ARSD: variants seen among roughly 807,000 people sequenced by gnomAD.
ARSD encodes the protein arylsulfatase D, also known as testis tissue sperm-binding protein Li 39a.
A neutral mutation model predicts 32.6 loss-of-function variants in ARSD; 21 were observed. That is an observed-to-expected ratio of 0.64 (90% CI 0.46 to 0.93). The LOEUF is 0.93. Among genes scored for constraint, ARSD ranks in the 40% least tolerant of loss-of-function variants. ARSD has a pLI of 0.00. For missense variants in ARSD, 454 were observed against 520.9 expected, an observed-to-expected ratio of 0.87 and a Z score of 1.25; for synonymous variants, 224 against 237.4, an observed-to-expected ratio of 0.94 and a Z score of 0.52.
chrX:2,927,119 G>A (rs753731797), intron 1 of ARSD, among the ~76,000 whole-genome samples: 5 of 111,108 alleles, frequency 4.5e-5, no homozygotes, highest in Admixed American at 3.8e-4. Flanking sequence ...GGCGTGTCTT[G>A]GAGGGTGGCG....
At chrX:2,908,534 T>TCTCTC (rs769406667) in intron 9 of ARSD, among the ~76,000 whole-genome samples, 187 bp downstream of exon 9, 1 of 84,133 alleles carries the variant, frequency 1.2e-5, no homozygotes, top group Admixed American at 1.4e-4. Flanking sequence ...TCTCTCTCTC[T>TCTCTC]CCCCCCCCCA....
intron 6 of ARSD, among the ~76,000 whole-genome samples, chrX:2,912,468 C>T (rs188771774): frequency 3.6e-5 from 4 of 111,315 alleles, no homozygotes; most frequent in Admixed American, 9.6e-5. Flanking sequence ...AGCTGCATGC[C>T]GACCACCTTG....
Position 2,918,337 on chromosome X carries a change from G to T in ARSD, c.440-110C>A, listed in dbSNP as rs535856642. The T allele has an allele frequency of 3.7e-5, 29 of 779,907 alleles. No homozygotes were observed. The South Asian group carries it at 6.8e-4, about 18-fold the overall frequency. 64.3% of individuals were successfully genotyped at this position (779,907 alleles called of 1,213,427 possible). ...GCAGGAAAAGAAAAGTCTGCAAAGA[G>T]CAAAACTGGAAATGGAAAGGCAATG... On this transcript the variant is annotated intron_variant, in intron 4 of 9. Transcript: ENST00000381154.
At chrX:2,915,901 G>T (rs1569088431) in intron 5 of ARSD, among the ~76,000 whole-genome samples, 1 of 109,988 alleles carries the variant, frequency 9.1e-6, no homozygotes, top group Non-Finnish European at 1.9e-5. Flanking sequence ...GGAGGCTGAG[G>T]CGGGAGGATC....
At position 2,925,713 on chromosome X, in the gene ARSD, G is replaced by A. The variant is rs766855724; in HGVS notation, c.97C>T (p.Pro33Ser). 8.3e-7 allele frequency: 1 copy of A among 1,210,679 alleles called. No individual in the cohort carries two copies. The highest frequency in any genetic ancestry group is 1.1e-6 in the Non-Finnish European group (1 of 894,775). Residue 33 changes from proline to serine, a missense_variant, in exon 2 of 10, where the codon CCT (proline) becomes TCT (serine). Physicochemically the swap from Pro to Ser is moderately conservative, Grantham distance 74. Transcript: ENST00000381154. The stretch of plus-strand genomic sequence containing the variant: ...GGTTTAAAGGCATTTGCAGTTTTAG[G>A]TTCACACGTCTTCAGAAGCAAGCAT... ...FLCLLLKTCE[P>S]KTANAFKPNI...
chrX:2,923,903 T>G (rs1698814), intron 2 of ARSD, among the ~76,000 whole-genome samples: 1 of 111,103 alleles, frequency 9.0e-6, no homozygotes, highest in Non-Finnish European at 1.9e-5. Flanking sequence ...TGGTGACAGA[T>G]GCACAGCTCC....
Position 2,909,930 on chromosome X carries a change from G to A in ARSD, c.1185C>T (p.Ile395=). ...GWEGGIRVPG[I]FHWPGVLPAG... ...CCGGGAGCACCCCCGGCCAGTGGAA[G>A]ATCCCGGGCACGCGGATCCCACCTT... Residue 395 remains isoleucine (I), a synonymous_variant, in exon 8 of 10, where the codon ATC becomes ATT. Coordinates refer to ENST00000381154, the MANE Select transcript of ARSD (RefSeq NM_001669.4). The A allele has an allele frequency of 8.3e-7, 1 of 1,210,906 alleles. No individual in the cohort carries two copies. The highest frequency in any genetic ancestry group is 1.1e-6 in the Non-Finnish European group (1 of 895,347).
chrX:2,927,807 T>C (rs191913967), intron 1 of ARSD, among the ~76,000 whole-genome samples: 2 of 103,259 alleles, frequency 1.9e-5, no homozygotes, highest in East Asian at 5.7e-4. Flanking sequence ...CCTTTGTAAC[T>C]TCACCCTTTG....
rs2088843365 is a variant in ARSD at position 2,905,106 on chromosome X, C to T, written c.*2165G>A. 1 of 336,213 alleles carries T rather than the reference C, an allele frequency of 3.0e-6. No individual in the cohort carries two copies. Among genetic ancestry groups the T allele is most frequent in the Admixed American group, 3.2e-5 (1 of 31,253 alleles). The allele number at this position is 336,213 out of a possible 1,213,427, so 27.7% of individuals were successfully genotyped here. A position where few individuals can be genotyped will look rare whatever the true frequency, so the allele number is the denominator to read the frequency against. On this transcript the variant is annotated 3_prime_UTR_variant, in exon 10 of 10. Transcript: ENST00000381154. ...GGGAGCCAGGGGAGAGGGGCATCAG[C>T]TGCCTGGTTAGCAGGGCTGTGATGA...
At chrX:2,923,178 C>G (rs1366852324) in intron 2 of ARSD, 6 of 238,692 alleles carry the variant, frequency 2.5e-5, no homozygotes, top group Non-Finnish European at 4.0e-5. Flanking sequence ...CTGGCCGCTT[C>G]AACACCAGAT....
intron 6 of ARSD, 59 bp downstream of exon 6, chrX:2,915,497 G>T: frequency 4.2e-6 from 5 of 1,197,834 alleles, no homozygotes; most frequent in Non-Finnish European, 5.6e-6. Context: ...AGTCTGTTAC[G>T]CCCTATGTTC....
Position 2,916,029 on chromosome X carries a change from G to A in ARSD, c.864-337C>T, listed in dbSNP as rs188808217. ...AGTCTGTGGTCCCAGCTACTTGGGAGGCCGAGGTGGGAGGACGGCTTGAGC... is the reference window on the plus strand; with the variant it reads ...AGTCTGTGGTCCCAGCTACTTGGGAAGCCGAGGTGGGAGGACGGCTTGAGC... On this transcript the variant is annotated intron_variant, in intron 5 of 9. Transcript: ENST00000381154. 2.8e-5 allele frequency among the ~76,000 whole-genome samples: 3 copies of A among 107,421 alleles called. No homozygotes were observed. In the East Asian group the frequency reaches 8.9e-4, roughly 32 times the overall value. 93.3% of individuals were successfully genotyped at this position (107,421 alleles called of 115,157 possible).
chrX:2,929,093 G>T, intron 1 of ARSD, 139 bp downstream of exon 1: 1 of 562,742 alleles, frequency 1.8e-6, no homozygotes, highest in Non-Finnish European at 2.4e-6. Flanking sequence ...ACATTTTGGA[G>T]ACTACAAGGC....
At chrX:2,916,121 GA>G (rs2088956520) in intron 5 of ARSD, among the ~76,000 whole-genome samples, 1 of 52,896 alleles carries the variant, frequency 1.9e-5, no homozygotes, top group Non-Finnish European at 3.2e-5. Context: ...GACAGAGCCA[GA>G]CCCTGTCTCA....
intron 7 of ARSD, among the ~76,000 whole-genome samples, 170 bp downstream of exon 7, chrX:2,910,489 C>T (rs757990044): frequency 9.0e-6 from 1 of 111,566 alleles, no homozygotes; most frequent in African/African-American, 3.3e-5. Context: ...GGGGATGTGA[C>T]TTTTTATCTG....
chrX:2,919,572 C>T (rs1193889059), intron 4 of ARSD, among the ~76,000 whole-genome samples: 2 of 111,698 alleles, frequency 1.8e-5, no homozygotes, highest in Non-Finnish European at 3.8e-5. Flanking sequence ...TAAGATTCCC[C>T]GTGGCTGGTG....
At chrX:2,918,788 A>G (rs1240627355) in intron 4 of ARSD, among the ~76,000 whole-genome samples, 1 of 110,931 alleles carries the variant, frequency 9.0e-6, no homozygotes. Flanking sequence ...AGTGAGAGAG[A>G]AAGAAAGAAT....
At position 2,920,682 on chromosome X, in the gene ARSD, C is replaced by T. The variant is rs776680017; in HGVS notation, c.358G>A (p.Ala120Thr). 7 of 1,211,895 alleles carry T rather than the reference C, an allele frequency of 5.8e-6. No individual in the cohort carries two copies. The highest frequency in any genetic ancestry group is 4.5e-6 in the Non-Finnish European group (4 of 895,508). ...TTCTCAGGGAGTCCACCTGAGCCTG[C>T]GTTCCACTGAAGGGCCCGGTATCCA... is the stretch of plus-strand genomic sequence containing the variant. Reference protein sequence around the residue: ...SNGYRALQWNAGSGGLPENET... With the variant: ...SNGYRALQWNTGSGGLPENET... Residue 120 changes from alanine to threonine, a missense_variant, in exon 4 of 10, where the codon GCA (alanine) becomes ACA (threonine). Coordinates refer to ENST00000381154, the MANE Select transcript of ARSD (RefSeq NM_001669.4).
rs57996096 is a variant in ARSD at position 2,904,903 on chromosome X, CTT to C, written c.*2366_*2367del. 0.014 allele frequency: 2,764 copies of C among 202,278 alleles called. 13 individuals are homozygous for C. Among genetic ancestry groups the C allele is most frequent in the East Asian group, 0.055 (366 of 6,595 alleles). The allele number at this position is 202,278 out of a possible 1,213,427, so 16.7% of individuals were successfully genotyped here. A position where few individuals can be genotyped will look rare whatever the true frequency, so the allele number is the denominator to read the frequency against. On this transcript the variant is annotated 3_prime_UTR_variant, in exon 10 of 10. Transcript: ENST00000381154. ...CGTGTCCCATGCTCCATAGATGTTTCTTTTTTTTTTTTTTTTTAATCATTTTT... is the reference window on the plus strand; with the variant it reads ...CGTGTCCCATGCTCCATAGATGTTTCTTTTTTTTTTTTTTTAATCATTTTT...
Sources: allele counts gnomAD v4.1 joint callset (sites outside exome capture counted in the v4.1 genomes callset), GRCh38; gene constraint gnomAD v4.1.1; transcripts MANE v1.5; gene names NCBI Gene and HGNC (gene_info 2026-07-23, HGNC 2026-07-21).